The following HDAC9 variants were observed in gnomAD, a reference collection of about 807,000 sequenced individuals.
HDAC9 encodes the protein MEF-2 interacting transcription repressor (MITR) protein.
In HDAC9, 41 loss-of-function variants were observed where a neutral mutation model predicts 139.4. The observed-to-expected ratio is 0.29, with a 90% CI of 0.23 to 0.38. HDAC9 has a LOEUF of 0.38. Among genes scored for constraint, HDAC9 ranks in the 10% least tolerant of loss-of-function variants. The probability of loss-of-function intolerance (pLI) is 1.00; values close to 1 mark genes in which losing one functional copy is unlikely to be tolerated. For missense variants in HDAC9, 1,147 were observed against 1,297.0 expected, an observed-to-expected ratio of 0.88 and a Z score of 1.78; for synonymous variants, 517 against 476.2, an observed-to-expected ratio of 1.09 and a Z score of -1.12.
intron 22 of HDAC9, among the ~76,000 whole-genome samples, chr7:18,926,885 G>GA (rs1804279618): frequency 6.6e-6 from 1 of 152,150 alleles, no homozygotes; most frequent in African/African-American, 2.4e-5. Flanking sequence ...TACTGTGATT[G>GA]AAAATGCTTT....
At chr7:18,819,110 T>C (rs141765794) in intron 17 of HDAC9, among the ~76,000 whole-genome samples, 6,643 of 152,100 alleles carry the variant, frequency 0.044, 378 homozygotes, top group African/African-American at 0.14. Context: ...CAAAACTCTG[T>C]CTCTACTAAA....
At chr7:18,948,590 CATTTT>C (rs1782569034) in intron 23 of HDAC9, among the ~76,000 whole-genome samples, 1 of 152,058 alleles carries the variant, frequency 6.6e-6, no homozygotes, top group South Asian at 2.1e-4. Context: ...CTTCAAAAAA[CATTTT>C]AATAATGAGT....
intron 12 of HDAC9, among the ~76,000 whole-genome samples, chr7:18,684,421 C>CT (rs1352174019): frequency 2.0e-5 from 3 of 151,942 alleles, no homozygotes; most frequent in Non-Finnish European, 2.9e-5. Flanking sequence ...GGGCAGATTG[C>CT]TTGAGCCCAG....
At chr7:18,857,662 CTTG>C (rs1422899276) in intron 21 of HDAC9, among the ~76,000 whole-genome samples, 1 of 152,022 alleles carries the variant, frequency 6.6e-6, no homozygotes, top group Non-Finnish European at 1.5e-5. Context: ...GCCATCTGAA[CTTG>C]TTAAGTATAG....
intron 14 of HDAC9, among the ~76,000 whole-genome samples, chr7:18,756,932 G>C (rs1052633619): frequency 6.6e-6 from 1 of 152,118 alleles, no homozygotes; most frequent in Non-Finnish European, 1.5e-5. Flanking sequence ...ACACGAGGAG[G>C]GTTGTGTGGA....
chr7:18,448,099 A>C (rs956344677), intron 1 of HDAC9, among the ~76,000 whole-genome samples: 27 of 152,128 alleles, frequency 1.8e-4, no homozygotes, highest in African/African-American at 6.3e-4. Context: ...TCCAGGCCTC[A>C]AGTGATCCAC....
rs565749529 is a variant in HDAC9 at position 18,177,845 on chromosome 7, A to G, written c.25+15496A>G. Among the ~76,000 whole-genome samples the G allele has an allele frequency of 3.3e-5, 5 of 152,300 alleles. No homozygotes were observed. In the East Asian group the frequency reaches 9.6e-4, roughly 29 times the overall value. Reference sequence around the variant, plus strand: ...AAGGAGCCAAATAAGTGAAGAATAAAGGGCACTTTGTGAGGAGGCTGATTA... The same window carrying G: ...AAGGAGCCAAATAAGTGAAGAATAAGGGGCACTTTGTGAGGAGGCTGATTA... On this transcript the variant is annotated intron_variant, in intron 2 of 12. Transcript: ENST00000417496.
Position 18,562,930 on chromosome 7 carries a change from G to GTGT in HDAC9, c.23-22347_23-22345dup, listed in dbSNP as rs202161922. Among the ~76,000 whole-genome samples, 217 of 152,038 alleles carry GTGT rather than the reference G, an allele frequency of 1.4e-3. 5 individuals are homozygous for GTGT. The East Asian group carries it at 0.038, about 26-fold the overall frequency. On this transcript the variant is annotated intron_variant, in intron 2 of 25. Coordinates refer to ENST00000686413, the MANE Select transcript of HDAC9 (RefSeq NM_178425.4). ...ATCTCCTTTAATTTCCTTCCATACA[G>GTGT]TGTTGTAATTTCGATGTACAAGGTT...
chr7:18,769,412 G>A (rs1306385368), intron 16 of HDAC9, among the ~76,000 whole-genome samples: 2 of 152,116 alleles, frequency 1.3e-5, no homozygotes, highest in African/African-American at 4.8e-5. Context: ...ACCTCACCTG[G>A]ATGGTGGCAG....
intron 21 of HDAC9, among the ~76,000 whole-genome samples, chr7:18,866,724 G>C (rs935400827): frequency 6.6e-6 from 1 of 152,138 alleles, no homozygotes. Context: ...TGAGTTGCAG[G>C]CTGTGGAACC....
At chr7:18,575,542 G>T (rs944157998) in intron 2 of HDAC9, among the ~76,000 whole-genome samples, 10 of 152,224 alleles carry the variant, frequency 6.6e-5, no homozygotes, top group African/African-American at 2.4e-4. Context: ...ACTCCATGTT[G>T]TCACGTGTCA....
chr7:18,328,656 C>G (rs1170886241), intron 1 of HDAC9, among the ~76,000 whole-genome samples: 2 of 151,860 alleles, frequency 1.3e-5, no homozygotes, highest in Non-Finnish European at 2.9e-5. Flanking sequence ...CCCACTTGAT[C>G]ATGGTGAGGT....
rs200417758 is a variant in HDAC9, at chr7:18,869,928, C to T, written c.2685-4550C>T. Reference sequence around the variant, plus strand: ...GTGCTTCCAGTCAATTTCCTTATTCCGGAAATTTGTTAGAAACTTGTTTGA... The same window carrying T: ...GTGCTTCCAGTCAATTTCCTTATTCTGGAAATTTGTTAGAAACTTGTTTGA... On this transcript the variant is annotated intron_variant, in intron 21 of 25. Coordinates refer to ENST00000686413, the MANE Select transcript of HDAC9 (RefSeq NM_178425.4). Among the ~76,000 whole-genome samples the T allele has an allele frequency of 2.9e-4, 43 of 150,816 alleles. No homozygotes were observed. In the East Asian group the frequency reaches 4.3e-3, roughly 15 times the overall value.
chr7:18,408,050 T>G (rs1285678222), intron 1 of HDAC9, among the ~76,000 whole-genome samples: 1 of 152,124 alleles, frequency 6.6e-6, no homozygotes, highest in Non-Finnish European at 1.5e-5. Flanking sequence ...TTGAGGGGAT[T>G]AAATGAGATG....
chr7:18,397,357 G>A (rs1787157777), intron 1 of HDAC9, among the ~76,000 whole-genome samples: 1 of 152,088 alleles, frequency 6.6e-6, no homozygotes, highest in South Asian at 2.1e-4. Context: ...GGCATCAAAT[G>A]CTTTTTTATT....
chr7:18,882,658 A>C (rs1227622668), intron 22 of HDAC9, among the ~76,000 whole-genome samples: 1 of 151,852 alleles, frequency 6.6e-6, no homozygotes, highest in East Asian at 1.9e-4. Context: ...AAAAAAAAAA[A>C]GTGGGTGGGG....
chr7:18,713,572 C>A (rs1486564324), intron 12 of HDAC9, among the ~76,000 whole-genome samples: 1 of 152,118 alleles, frequency 6.6e-6, no homozygotes, highest in East Asian at 1.9e-4. Context: ...GCCATCACAA[C>A]AGATTTAGAA....
At chr7:18,727,509 A>C (rs1785645140) in intron 12 of HDAC9, 71 bp from the exon 13 acceptor site, 3 of 1,281,992 alleles carry the variant, frequency 2.3e-6, no homozygotes, top group Non-Finnish European at 3.2e-6. Context: ...TAATTTGTTG[A>C]CATGTCGCTC....
chr7:18,573,139 A>AT (rs965035330), intron 2 of HDAC9, among the ~76,000 whole-genome samples: 1 of 152,100 alleles, frequency 6.6e-6, no homozygotes, highest in African/African-American at 2.4e-5. Context: ...TGCTTTTTGC[A>AT]TTTTTTTCCT....
Sources: allele counts gnomAD v4.1 joint callset (sites outside exome capture counted in the v4.1 genomes callset), GRCh38; gene constraint gnomAD v4.1.1; transcripts MANE v1.5; gene names NCBI Gene and HGNC (gene_info 2026-07-23, HGNC 2026-07-21).